Variants in UNC13B observed in about 807,000 individuals in gnomAD.
UNC13B encodes protein unc-13 homolog B.
UNC13B carries 144 observed loss-of-function variants against 211.0 expected under a neutral mutation model. The observed-to-expected ratio is 0.68, with a 90% CI of 0.60 to 0.78. The LOEUF is 0.78. Ranked by LOEUF, UNC13B falls within the 30% of genes least tolerant of loss-of-function variation. The pLI is 0.00. For missense variants in UNC13B, 1,777 were observed against 2,002.0 expected, an observed-to-expected ratio of 0.89 and a Z score of 2.14; for synonymous variants, 709 against 725.8, an observed-to-expected ratio of 0.98 and a Z score of 0.37.
intron 11 of UNC13B, among the ~76,000 whole-genome samples, chr9:35,316,952 T>A (rs1028611588): frequency 3.9e-5 from 6 of 152,182 alleles, no homozygotes; most frequent in Admixed American, 1.3e-4. Context: ...AAAGTATCAC[T>A]GTGAATATTT....
chr9:35,280,035 G>A (rs1013317965), intron 7 of UNC13B, among the ~76,000 whole-genome samples: 2 of 151,922 alleles, frequency 1.3e-5, no homozygotes, highest in Non-Finnish European at 2.9e-5. Flanking sequence ...TTAGTGTCCT[G>A]GTCAAAGTTC....
intron 8 of UNC13B, among the ~76,000 whole-genome samples, chr9:35,298,145 G>A (rs1211086916): frequency 1.3e-5 from 2 of 152,204 alleles, no homozygotes; most frequent in African/African-American, 4.8e-5. Context: ...CTGGCTAGGT[G>A]CAGTGACTGA....
intron 11 of UNC13B, among the ~76,000 whole-genome samples, chr9:35,334,775 G>A (rs1337782284): frequency 2.0e-5 from 3 of 152,190 alleles, no homozygotes; most frequent in Admixed American, 6.5e-5. Context: ...GGTGGCTCAC[G>A]CCTGTAATCC....
intron 11 of UNC13B, among the ~76,000 whole-genome samples, chr9:35,331,834 T>A (rs1831386544): frequency 6.6e-6 from 1 of 152,200 alleles, no homozygotes; most frequent in African/African-American, 2.4e-5. Context: ...CCTGCCTCAT[T>A]TCTTTCTACA....
chr9:35,345,569 T>C (rs1832302656), intron 11 of UNC13B, among the ~76,000 whole-genome samples: 1 of 152,154 alleles, frequency 6.6e-6, no homozygotes, highest in African/African-American at 2.4e-5. Flanking sequence ...GCTGGATTCT[T>C]GTTAAAACTG....
chr9:35,332,363 GT>G (rs1831422292), intron 11 of UNC13B, among the ~76,000 whole-genome samples: 1 of 152,090 alleles, frequency 6.6e-6, no homozygotes, highest in South Asian at 2.1e-4. Flanking sequence ...ATTTCCCAAT[GT>G]TTAAAACTTC....
intron 13 of UNC13B, among the ~76,000 whole-genome samples, chr9:35,374,523 A>C (rs1834268247): frequency 6.6e-6 from 1 of 151,460 alleles, no homozygotes; most frequent in Non-Finnish European, 1.5e-5. Context: ...CCTATGCAAG[A>C]GTGTGGCTAG....
At chr9:35,402,110 A>G in intron 37 of UNC13B, 1 of 1,065,678 alleles carries the variant, frequency 9.4e-7, no homozygotes, top group Non-Finnish European at 1.4e-6. Context: ...CAAGCTGTCA[A>G]GGTTTAGGAG....
chr9:35,343,894 A>T (rs1160364523), intron 11 of UNC13B, among the ~76,000 whole-genome samples: 1 of 152,140 alleles, frequency 6.6e-6, no homozygotes, highest in African/African-American at 2.4e-5. Context: ...ATGCAAGTAT[A>T]TGATTAATAA....
At position 35,382,394 on chromosome 9, in the gene UNC13B, G is replaced by C. The variant is rs1834908263; in HGVS notation, c.10693G>C (p.Gly3565Arg). The C allele has an allele frequency of 6.2e-7, 1 of 1,613,916 alleles. No homozygotes were observed. The highest frequency in any genetic ancestry group is 8.5e-7 in the Non-Finnish European group (1 of 1,179,982). Residue 3565 changes from glycine (G) to arginine (R), a missense_variant, in exon 21 of 40, where the codon GGT (glycine) becomes CGT (arginine). By Grantham distance (125) the Gly-to-Arg change is moderately radical (BLOSUM62 -2). Coordinates refer to ENST00000635942, the MANE Select transcript of UNC13B (RefSeq NM_001371189.2). The stretch of plus-strand genomic sequence containing the variant: ...TTTATCATCCAAGTACATGTGTCCT[G>C]GTGTGCCAGCAGTGATGAGCACCTT... ...ACLSSKYMCP[G>R]VPAVMSTLLA...
Position 35,400,319 on chromosome 9 carries a change from T to G in UNC13B, c.12360T>G (p.Asn4120Lys), listed in dbSNP as rs973621868. 1 of 1,614,116 alleles carries G rather than the reference T, an allele frequency of 6.2e-7. No individual in the cohort carries two copies. ...TIKQYFHAGGNGLKKTFLEKS... is the reference protein window; with the variant it reads ...TIKQYFHAGGKGLKKTFLEKS... ...AGCAATACTTCCATGCAGGAGGCAA[T>G]GGGCTGAAGAAAACCTTCCTGGAGA... is the stretch of plus-strand genomic sequence containing the variant. The change falls in exon 37 of 40, where the codon AAT becomes AAG. Residue 4120 changes from asparagine to lysine, a missense_variant. Asn to Lys is a moderately conservative substitution (Grantham distance 94, BLOSUM62 0). Transcript: ENST00000635942.
intron 11 of UNC13B, chr9:35,342,005 G>T (rs549670239): frequency 3.0e-6 from 3 of 985,378 alleles, no homozygotes; most frequent in Non-Finnish European, 1.2e-6. Context: ...GAGAGGTGTG[G>T]ACCAGGTTAG....
chr9:35,327,870 T>C (rs988038982), intron 11 of UNC13B, among the ~76,000 whole-genome samples: 5 of 152,196 alleles, frequency 3.3e-5, no homozygotes, highest in Admixed American at 2.6e-4. Flanking sequence ...TTCTCTAATA[T>C]ACGCATCTAG....
chr9:35,282,241 T>G (rs2131731583), intron 7 of UNC13B, among the ~76,000 whole-genome samples: 1 of 152,250 alleles, frequency 6.6e-6, no homozygotes, highest in East Asian at 1.9e-4. Flanking sequence ...CCAGAAAGCC[T>G]CCATATGCCT....
intron 1 of UNC13B, among the ~76,000 whole-genome samples, chr9:35,204,315 G>T (rs1564066167): frequency 6.6e-6 from 1 of 152,238 alleles, no homozygotes; most frequent in Admixed American, 6.5e-5. Flanking sequence ...TACTAGTGCA[G>T]TGCAGAGGGG....
Position 35,403,755 on chromosome 9 carries a change from G to A in UNC13B, c.12745G>A (p.Gly4249Arg). ...KYNETFHFLLGNEEGPESYEL... is the reference protein window; with the variant it reads ...KYNETFHFLLRNEEGPESYEL... ...TCTATCTTGTGCTCACAGCCTCCTGGGAAATGAGGAGGGGCCCGAGTCCTA... is the reference window on the plus strand; with the variant it reads ...TCTATCTTGTGCTCACAGCCTCCTGAGAAATGAGGAGGGGCCCGAGTCCTA... The change falls in exon 40 of 40, where the codon GGA (glycine) becomes AGA (arginine). Residue 4249 changes from glycine (G) to arginine (R), a missense_variant. By Grantham distance (125) the Gly-to-Arg change is moderately radical. Coordinates refer to ENST00000635942, the MANE Select transcript of UNC13B (RefSeq NM_001371189.2). 3.1e-6 allele frequency: 5 copies of A among 1,614,056 alleles called. No homozygotes were observed. The highest frequency in any genetic ancestry group is 2.2e-5 in the South Asian group (2 of 91,076).
intron 7 of UNC13B, among the ~76,000 whole-genome samples, chr9:35,284,132 C>T (rs1828658306): frequency 1.3e-5 from 2 of 152,018 alleles, no homozygotes; most frequent in South Asian, 2.1e-4. Flanking sequence ...TGGTGGCATG[C>T]GACTGTAGCC....
chr9:35,326,147 T>G (rs1830996586), intron 11 of UNC13B, among the ~76,000 whole-genome samples: 2 of 152,212 alleles, frequency 1.3e-5, no homozygotes, highest in African/African-American at 4.8e-5. Context: ...TTGTCTGTCT[T>G]TTTTTATTAT....
At chr9:35,358,472 C>CT (rs1229034535) in intron 11 of UNC13B, among the ~76,000 whole-genome samples, 1 of 152,056 alleles carries the variant, frequency 6.6e-6, no homozygotes, top group Non-Finnish European at 1.5e-5. Flanking sequence ...TTGTTATTTT[C>CT]TGTTTTGTTT....
Sources: allele counts gnomAD v4.1 joint callset (sites outside exome capture counted in the v4.1 genomes callset), GRCh38; gene constraint gnomAD v4.1.1; transcripts MANE v1.5; gene names NCBI Gene and HGNC (gene_info 2026-07-23, HGNC 2026-07-21).